PTH2R: variants seen among roughly 807,000 people sequenced by gnomAD.
PTH2R encodes parathyroid hormone 2 receptor.
In PTH2R, 59 loss-of-function variants were observed where a neutral mutation model predicts 60.3. The ratio of observed to expected loss-of-function variants is 0.98; its 90% CI spans 0.79 to 1.22. PTH2R has a LOEUF of 1.22. Ranked by LOEUF, PTH2R falls within the 50% of genes most tolerant of loss-of-function variation. PTH2R has a pLI of 0.00. For synonymous variants in PTH2R, 256 were observed against 243.8 expected, an observed-to-expected ratio of 1.05 and a Z score of -0.47; for missense variants, 749 against 682.6, an observed-to-expected ratio of 1.10 and a Z score of -1.08.
At chr2:208,448,443 G>A (rs1702334062) in intron 7 of PTH2R, among the ~76,000 whole-genome samples, 1 of 151,716 alleles carries the variant, frequency 6.6e-6, no homozygotes, top group Non-Finnish European at 1.5e-5. Flanking sequence ...GAGGTCAGGA[G>A]ATCGAGACAA....
intron 1 of PTH2R, among the ~76,000 whole-genome samples, chr2:208,426,679 C>T (rs968308392): frequency 1.3e-5 from 2 of 152,166 alleles, no homozygotes; most frequent in Admixed American, 6.5e-5. Flanking sequence ...AAATGTCTGG[C>T]ATTTCATCTG....
chr2:208,444,722 T>G lies in PTH2R; in HGVS notation c.700-12T>G. 12 of 1,610,174 alleles carry G rather than the reference T, an allele frequency of 7.5e-6. No individual in the cohort carries two copies. Among genetic ancestry groups the G allele is most frequent in the Non-Finnish European group, 9.3e-6 (11 of 1,178,346 alleles). Reference sequence around the variant, plus strand: ...GTTCTAATATGATGAAATTCTGGTTTATTTGTAATAGATCGGGTGCAAGAT... The same window carrying G: ...GTTCTAATATGATGAAATTCTGGTTGATTTGTAATAGATCGGGTGCAAGAT... On this transcript the variant is annotated splice_polypyrimidine_tract_variant and intron_variant, in intron 6 of 12. Transcript: ENST00000272847.
Position 208,491,529 on chromosome 2 carries a change from A to G in PTH2R, c.1257+849A>G, listed in dbSNP as rs545987148. ...CAGAGAGCCTTCTCTCTTACAGACT[A>G]AGAGTTTTTAAGGGTTCAGGGTGGG... is the stretch of plus-strand genomic sequence containing the variant. On this transcript the variant is annotated intron_variant, in intron 12 of 12. Transcript: ENST00000272847. 2.7e-4 allele frequency among the ~76,000 whole-genome samples: 41 copies of G among 152,286 alleles called. No homozygotes were observed. In the South Asian group the frequency reaches 8.5e-3, roughly 32 times the overall value.
intron 1 of PTH2R, among the ~76,000 whole-genome samples, chr2:208,407,792 C>T (rs1223480102): frequency 6.6e-6 from 1 of 152,070 alleles, no homozygotes; most frequent in Non-Finnish European, 1.5e-5. Context: ...TTACAGTCAG[C>T]TTTTCAGATG....
rs892260655 is a variant in PTH2R, at chr2:208,376,603, A to G, written c.-259+16366A>G. Among the ~76,000 whole-genome samples the G allele has an allele frequency of 5.3e-5, 8 of 152,084 alleles. No homozygotes were observed. In the South Asian group the frequency reaches 1.7e-3, roughly 31 times the overall value. On this transcript the variant is annotated intron_variant, in intron 1 of 12. Transcript: ENST00000617735. ...ACAAGGTTTTAGCTATTATTTTTGA[A>G]CTTGCTTCCTAGCCCACACAATTAA...
chr2:208,362,598 G>A (rs549816730), intron 1 of PTH2R, among the ~76,000 whole-genome samples: 1 of 152,188 alleles, frequency 6.6e-6, no homozygotes, highest in Non-Finnish European at 1.5e-5. Flanking sequence ...GGTTGCTTCC[G>A]CCTTTTGGCT....
intron 1 of PTH2R, among the ~76,000 whole-genome samples, 171 bp from the exon 2 acceptor site, chr2:208,428,030 C>T (rs1185105650): frequency 6.6e-6 from 1 of 151,898 alleles, no homozygotes; most frequent in Non-Finnish European, 1.5e-5. Flanking sequence ...TAAAATTGTT[C>T]TAAAACCTTA....
chr2:208,429,800 T>G (rs1701934202), intron 2 of PTH2R, among the ~76,000 whole-genome samples: 1 of 152,238 alleles, frequency 6.6e-6, no homozygotes, highest in Non-Finnish European at 1.5e-5. Context: ...TAAACTTTTC[T>G]GTATATTTAC....
At chr2:208,493,122 G>A (rs1048354081) in intron 12 of PTH2R, 142 bp from the exon 13 acceptor site, 15 of 896,478 alleles carry the variant, frequency 1.7e-5, no homozygotes, top group Non-Finnish European at 2.2e-5. Flanking sequence ...TTGAGAGAAA[G>A]TCATAGATAA....
chr2:208,476,481 A>G (rs562503620), intron 9 of PTH2R, among the ~76,000 whole-genome samples: 2 of 152,356 alleles, frequency 1.3e-5, no homozygotes, highest in South Asian at 4.1e-4. Flanking sequence ...CCAACTGATT[A>G]GAAATGAACT....
intron 1 of PTH2R, among the ~76,000 whole-genome samples, chr2:208,413,563 T>A (rs1365239655): frequency 6.6e-6 from 1 of 152,248 alleles, no homozygotes; most frequent in Non-Finnish European, 1.5e-5. Flanking sequence ...ACTTAATTAT[T>A]CCTGCATTAA....
intron 8 of PTH2R, among the ~76,000 whole-genome samples, chr2:208,457,338 G>A (rs903435157): frequency 6.6e-6 from 1 of 152,200 alleles, no homozygotes; most frequent in Non-Finnish European, 1.5e-5. Context: ...TAATATGCAA[G>A]TGTAAGATTT....
At chr2:208,437,914 G>A (rs1702108612) in intron 4 of PTH2R, 33 bp downstream of exon 4, 1 of 1,594,060 alleles carries the variant, frequency 6.3e-7, no homozygotes, top group Admixed American at 1.7e-5. Context: ...GAATTCCTAA[G>A]GGAAAGCAGA....
At chr2:208,457,833 T>G (rs573730780) in intron 8 of PTH2R, among the ~76,000 whole-genome samples, 19 of 152,336 alleles carry the variant, frequency 1.2e-4, no homozygotes, top group Admixed American at 1.2e-3. Context: ...TAGTGTGTAC[T>G]GAAAATGTTT....
At chr2:208,472,796 G>A (rs896033750) in intron 9 of PTH2R, among the ~76,000 whole-genome samples, 2 of 152,004 alleles carry the variant, frequency 1.3e-5, no homozygotes, top group Non-Finnish European at 2.9e-5. Flanking sequence ...GTCTGTTTTT[G>A]TTTCAAGCAT....
chr2:208,383,111 CTGTTA>C (rs2125877577), intron 1 of PTH2R, among the ~76,000 whole-genome samples: 1 of 152,314 alleles, frequency 6.6e-6, no homozygotes, highest in South Asian at 2.1e-4. Flanking sequence ...ATTAGTAAAA[CTGTTA>C]TGTTATCTAG....
intron 1 of PTH2R, among the ~76,000 whole-genome samples, chr2:208,364,404 A>G (rs1391356592): frequency 6.6e-6 from 1 of 152,002 alleles, no homozygotes; most frequent in Non-Finnish European, 1.5e-5. Context: ...TAATTTTTGT[A>G]TGTGGTGTAA....
intron 1 of PTH2R, among the ~76,000 whole-genome samples, chr2:208,427,214 A>G (rs1701873370): frequency 6.6e-6 from 1 of 152,218 alleles, no homozygotes; most frequent in Admixed American, 6.5e-5. Flanking sequence ...TTAACTGAAA[A>G]AAACAGCCAG....
chr2:208,425,683 G>A (rs1701843285), intron 1 of PTH2R, among the ~76,000 whole-genome samples: 1 of 152,170 alleles, frequency 6.6e-6, no homozygotes, highest in Non-Finnish European at 1.5e-5. Context: ...ACCCTCCCAG[G>A]CTAAGCCCCA....
Sources: allele counts gnomAD v4.1 joint callset (sites outside exome capture counted in the v4.1 genomes callset), GRCh38; gene constraint gnomAD v4.1.1; transcripts MANE v1.5; gene names NCBI Gene and HGNC (gene_info 2026-07-23, HGNC 2026-07-21).